Variants in TNNI3K observed in about 807,000 individuals in gnomAD.
TNNI3K encodes TNNI3 interacting kinase.
Under a neutral mutation model 114.5 loss-of-function variants are expected in TNNI3K, and 140 were observed. The observed-to-expected ratio is 1.22, with a 90% CI of 1.07 to 1.41. TNNI3K has a LOEUF of 1.41. Ranked by LOEUF, TNNI3K falls within the 40% of genes most tolerant of loss-of-function variation. TNNI3K has a pLI of 0.00. For synonymous variants in TNNI3K, 347 were observed against 347.5 expected (o/e 1.00, Z 0.02); for missense variants, 1,125 against 1,007.6 (o/e 1.12, Z -1.58).
intron 23 of TNNI3K, among the ~76,000 whole-genome samples, chr1:74,529,298 C>T (rs999870653): frequency 2.0e-5 from 3 of 152,040 alleles, no homozygotes; most frequent in African/African-American, 7.2e-5. Flanking sequence ...ATGAAAGAAA[C>T]AACATCCCTT....
At chr1:74,363,219 C>T (rs1475964141) in intron 11 of TNNI3K, among the ~76,000 whole-genome samples, 1 of 151,910 alleles carries the variant, frequency 6.6e-6, no homozygotes, top group Non-Finnish European at 1.5e-5. Flanking sequence ...AGGAGCTGGG[C>T]TTTAGTGGGT....
intron 10 of TNNI3K, among the ~76,000 whole-genome samples, chr1:74,353,682 C>T (rs920663147): frequency 6.7e-6 from 1 of 150,250 alleles, no homozygotes; most frequent in African/African-American, 2.4e-5. Context: ...GTCTTTGTTC[C>T]TTTATTTGTG....
At chr1:74,504,709 A>C (rs1394941419) in intron 23 of TNNI3K, among the ~76,000 whole-genome samples, 1 of 152,088 alleles carries the variant, frequency 6.6e-6, no homozygotes, top group Non-Finnish European at 1.5e-5. Flanking sequence ...AGCGAGTGAC[A>C]TATTTAGGTT....
intron 5 of TNNI3K, among the ~76,000 whole-genome samples, chr1:74,301,707 G>C (rs1010398009): frequency 6.6e-6 from 1 of 152,072 alleles, no homozygotes; most frequent in Non-Finnish European, 1.5e-5. Context: ...GAATTTTCCT[G>C]TCCCACTCAC....
intron 5 of TNNI3K, among the ~76,000 whole-genome samples, chr1:74,292,621 T>G (rs1657750761): frequency 6.6e-6 from 1 of 151,574 alleles, no homozygotes. Flanking sequence ...GGGCCAATAT[T>G]TAGTCAATTT....
chr1:74,475,778 C>T, intron 21 of TNNI3K: 1 of 625,332 alleles, frequency 1.6e-6, no homozygotes. Flanking sequence ...CAGTTAAATA[C>T]AACTAAACCT....
chr1:74,249,423 T>A (rs745416412), intron 2 of TNNI3K, 36 bp from the exon 3 acceptor site: 5 of 1,581,190 alleles, frequency 3.2e-6, no homozygotes, highest in Non-Finnish European at 4.3e-6. Context: ...TGCTAAAAGA[T>A]GAATTTTGTG....
At chr1:74,533,344 A>G (rs1393740552) in intron 23 of TNNI3K, among the ~76,000 whole-genome samples, 2 of 152,220 alleles carry the variant, frequency 1.3e-5, no homozygotes, top group African/African-American at 4.8e-5. Context: ...GAGAAATGCA[A>G]ATCAAAACCA....
At chr1:74,378,903 T>C (rs1004690155) in intron 17 of TNNI3K, 3 of 151,708 alleles carry the variant, frequency 2.0e-5, no homozygotes, top group African/African-American at 7.3e-5. Flanking sequence ...TGAGTAATGG[T>C]TATAATTAAG....
intron 5 of TNNI3K, among the ~76,000 whole-genome samples, chr1:74,284,531 CAATTA>C (rs1657208468): frequency 6.6e-6 from 1 of 152,122 alleles, no homozygotes; most frequent in African/African-American, 2.4e-5. Flanking sequence ...AAAAAACCTG[CAATTA>C]CTTTTGCACA....
At chr1:74,464,576 A>C in intron 21 of TNNI3K, 1 of 1,477,742 alleles carries the variant, frequency 6.8e-7, no homozygotes, top group Non-Finnish European at 9.0e-7. Context: ...GAGAAATAAA[A>C]TAGGCCCCAG....
At chr1:74,315,152 A>G (rs1354285303) in intron 5 of TNNI3K, among the ~76,000 whole-genome samples, 1 of 152,156 alleles carries the variant, frequency 6.6e-6, no homozygotes, top group Non-Finnish European at 1.5e-5. Flanking sequence ...TTTTATTTTG[A>G]TTTAGTAATG....
At chr1:74,255,878 A>G (rs562711517) in intron 4 of TNNI3K, among the ~76,000 whole-genome samples, 4 of 152,118 alleles carry the variant, frequency 2.6e-5, no homozygotes, top group South Asian at 2.1e-4. Context: ...TACATCCAGT[A>G]TGTTTTCTTT....
chr1:74,487,516 AG>A, intron 21 of TNNI3K, among the ~76,000 whole-genome samples: 1 of 152,284 alleles, frequency 6.6e-6, no homozygotes, highest in African/African-American at 2.4e-5. Context: ...GATTCAATAA[AG>A]TTTAGGATTC....
At chr1:74,291,410 A>G (rs1657670142) in intron 5 of TNNI3K, among the ~76,000 whole-genome samples, 1 of 151,628 alleles carries the variant, frequency 6.6e-6, no homozygotes. Context: ...ACATAGCCAC[A>G]TAATATATGT....
intron 23 of TNNI3K, among the ~76,000 whole-genome samples, chr1:74,501,460 G>GT (rs113466725): frequency 8.2e-4 from 118 of 144,346 alleles, no homozygotes; most frequent in Non-Finnish European, 1.2e-3. Flanking sequence ...AACTTGGAGG[G>GT]TTTTTTTTGT....
chr1:74,494,985 G>A (rs1178840952), intron 23 of TNNI3K, among the ~76,000 whole-genome samples: 1 of 152,192 alleles, frequency 6.6e-6, no homozygotes, highest in African/African-American at 2.4e-5. Context: ...AGGGGACAGA[G>A]CTTCTCTAGC....
intron 23 of TNNI3K, among the ~76,000 whole-genome samples, chr1:74,493,940 A>G (rs1373672543): frequency 6.6e-6 from 1 of 152,224 alleles, no homozygotes; most frequent in Non-Finnish European, 1.5e-5. Flanking sequence ...CCATATGGCA[A>G]AAGGCATGGG....
intron 5 of TNNI3K, among the ~76,000 whole-genome samples, chr1:74,289,106 G>A (rs1657506411): frequency 6.6e-6 from 1 of 151,762 alleles, no homozygotes; most frequent in South Asian, 2.1e-4. Context: ...TTTACATTGT[G>A]TATATAAATA....
Sources: allele counts gnomAD v4.1 joint callset (sites outside exome capture counted in the v4.1 genomes callset), GRCh38; gene constraint gnomAD v4.1.1; transcripts MANE v1.5; gene names NCBI Gene and HGNC (gene_info 2026-07-23, HGNC 2026-07-21).